Variants in TMEFF1 observed in about 807,000 individuals in gnomAD.
TMEFF1 encodes the protein tomoregulin-1.
TMEFF1 carries 20 observed loss-of-function variants against 47.5 expected under a neutral mutation model. That is an observed-to-expected ratio of 0.42 (90% CI 0.30 to 0.61). TMEFF1 has a LOEUF of 0.61. TMEFF1 is among the 20% of genes least tolerant of loss of function. The pLI is 0.19. For missense variants in TMEFF1, 411 were observed against 471.1 expected, an observed-to-expected ratio of 0.87 and a Z score of 1.18; for synonymous variants, 162 against 166.3, an observed-to-expected ratio of 0.97 and a Z score of 0.20.
intron 5 of TMEFF1, among the ~76,000 whole-genome samples, chr9:100,528,081 A>G (rs1440967609): frequency 2.0e-5 from 3 of 151,388 alleles, no homozygotes; most frequent in Non-Finnish European, 4.4e-5. Context: ...CACACCAAAA[A>G]CCCATCTGTA....
At chr9:100,575,621 C>T (rs1237297582) in intron 9 of TMEFF1, among the ~76,000 whole-genome samples, 5 of 152,190 alleles carry the variant, frequency 3.3e-5, no homozygotes, top group South Asian at 4.1e-4. Context: ...TGAAATCGAA[C>T]GAAATGAGGA....
chr9:100,543,687 C>T (rs559812373), intron 5 of TMEFF1, among the ~76,000 whole-genome samples: 1 of 147,598 alleles, frequency 6.8e-6, no homozygotes, highest in Admixed American at 6.8e-5. Context: ...CTAACACTAA[C>T]ATAGCTGATG....
rs573878868 is a variant in TMEFF1, at chr9:100,498,796, T to G, written c.228T>G (p.Val76=). Residue 76 remains valine, a synonymous_variant, in exon 2 of 10, where the codon GTT becomes GTG. Coordinates refer to ENST00000374879, the MANE Select transcript of TMEFF1 (RefSeq NM_003692.5). ...ATGTGAGGGAGTCTGACGTAAGAGT[T>G]TGTGATGAGTCATCATGTAAATATG... is the stretch of plus-strand genomic sequence containing the variant. ...ELNVRESDVR[V]CDESSCKYGG... is the part of the protein sequence containing the mutation. 1.2e-5 allele frequency: 20 copies of G among 1,613,772 alleles called. No individual in the cohort carries two copies. The highest frequency in any genetic ancestry group is 1.6e-5 in the Non-Finnish European group (19 of 1,179,910).
At chr9:100,546,120 G>A (rs4541990) in intron 5 of TMEFF1, among the ~76,000 whole-genome samples, 19 of 152,014 alleles carry the variant, frequency 1.2e-4, no homozygotes, top group African/African-American at 3.6e-4. Context: ...GTATCTTTTC[G>A]GCAGCACCCC....
intron 1 of TMEFF1, among the ~76,000 whole-genome samples, chr9:100,483,377 A>G (rs1309417763): frequency 6.6e-6 from 1 of 152,054 alleles, no homozygotes; most frequent in Non-Finnish European, 1.5e-5. Flanking sequence ...CATGCCTGTA[A>G]TCCCAGCTAC....
intron 6 of TMEFF1, among the ~76,000 whole-genome samples, chr9:100,549,604 C>G (rs528627465): frequency 6.6e-6 from 1 of 152,280 alleles, no homozygotes; most frequent in East Asian, 1.9e-4. Context: ...CTTCTAAACA[C>G]GTGGTTATGG....
Position 100,531,279 on chromosome 9 carries a change from A to T in TMEFF1, c.560+14508A>T, listed in dbSNP as rs554310750. On this transcript the variant is annotated intron_variant, in intron 5 of 9. Coordinates refer to ENST00000374879, the MANE Select transcript of TMEFF1 (RefSeq NM_003692.5). ...AGAAAATAAAGGGTATTCAATTAGG[A>T]AAAGAGGAAGTCAAATTGTCCCTGT... 4.0e-3 allele frequency among the ~76,000 whole-genome samples: 611 copies of T among 152,288 alleles called. 5 individuals carry two copies. Among genetic ancestry groups the T allele is most frequent in the African/African-American group, 0.014 (575 of 41,558 alleles).
At chr9:100,562,428 C>T (rs17741974) in intron 8 of TMEFF1, among the ~76,000 whole-genome samples, 17,828 of 151,770 alleles carry the variant, frequency 0.12, 1,166 homozygotes, top group Middle Eastern at 0.18. Flanking sequence ...ATTTTTTTCA[C>T]CTGCCTTTCT....
chr9:100,515,397 T>C (rs1406980151), intron 4 of TMEFF1, among the ~76,000 whole-genome samples: 1 of 152,106 alleles, frequency 6.6e-6, no homozygotes, highest in African/African-American at 2.4e-5. Flanking sequence ...ATATTTCTAT[T>C]TAAGGACAGG....
At chr9:100,521,879 C>T (rs1018696750) in intron 5 of TMEFF1, among the ~76,000 whole-genome samples, 1 of 152,172 alleles carries the variant, frequency 6.6e-6, no homozygotes, top group African/African-American at 2.4e-5. Context: ...TTCCATTTAT[C>T]CCCCTGAGTG....
chr9:100,496,415 T>G (rs2118307508), intron 1 of TMEFF1, among the ~76,000 whole-genome samples: 1 of 152,258 alleles, frequency 6.6e-6, no homozygotes, highest in Non-Finnish European at 1.5e-5. Flanking sequence ...AATTTTTGTA[T>G]TTTTAGTAGA....
intron 5 of TMEFF1, among the ~76,000 whole-genome samples, chr9:100,525,331 C>T (rs1338730120): frequency 6.6e-6 from 1 of 152,084 alleles, no homozygotes; most frequent in African/African-American, 2.4e-5. Flanking sequence ...CCCAGGCTAC[C>T]CCCACTTCTG....
chr9:100,517,862 G>A (rs1026112111), intron 5 of TMEFF1, among the ~76,000 whole-genome samples: 4 of 152,166 alleles, frequency 2.6e-5, no homozygotes, highest in African/African-American at 4.8e-5. Context: ...ACTGATAATA[G>A]ATATTATGCT....
At chr9:100,541,620 C>T (rs1037862411) in intron 5 of TMEFF1, among the ~76,000 whole-genome samples, 6 of 152,006 alleles carry the variant, frequency 3.9e-5, no homozygotes, top group Non-Finnish European at 8.8e-5. Context: ...GATCTGCCTG[C>T]GTCAGCCTCC....
At chr9:100,573,056 T>C (rs1224268200) in intron 9 of TMEFF1, among the ~76,000 whole-genome samples, 3 of 151,744 alleles carry the variant, frequency 2.0e-5, no homozygotes, top group Non-Finnish European at 2.9e-5. Context: ...TTAGAGCTCA[T>C]TGCAGCCTCA....
At position 100,547,890 on chromosome 9, in the gene TMEFF1, C is replaced by G. The variant is rs1390787306; in HGVS notation, c.707C>G (p.Thr236Arg). The G allele has an allele frequency of 6.3e-7, 1 of 1,586,988 alleles. No homozygotes were observed. The highest frequency in any genetic ancestry group is 1.8e-5 in the Admixed American group (1 of 55,050). ...QIDIRHLGHC[T>R]DTDDTSLLGK... The stretch of plus-strand genomic sequence containing the variant: ...GATATAAGGCATCTTGGTCATTGCA[C>G]AGGTAAAATCCATTTTATTTATTCA... Residue 236 changes from threonine (T) to arginine (R), a missense_variant and splice_region_variant, in exon 6 of 10, where the codon ACA (threonine) becomes AGA (arginine). Transcript: ENST00000374879.
chr9:100,485,245 A>G (rs1335947699), intron 1 of TMEFF1, among the ~76,000 whole-genome samples: 1 of 152,180 alleles, frequency 6.6e-6, no homozygotes, highest in African/African-American at 2.4e-5. Flanking sequence ...GACTATTATG[A>G]ATAATGCCAC....
intron 5 of TMEFF1, among the ~76,000 whole-genome samples, chr9:100,531,098 G>T (rs2118449190): frequency 6.6e-6 from 1 of 152,098 alleles, no homozygotes; most frequent in South Asian, 2.1e-4. Context: ...AAAATAATAA[G>T]AGCTATCTAT....
At chr9:100,486,253 A>G (rs941065483) in intron 1 of TMEFF1, among the ~76,000 whole-genome samples, 8 of 152,118 alleles carry the variant, frequency 5.3e-5, no homozygotes, top group Non-Finnish European at 8.8e-5. Context: ...TTCATCAGAA[A>G]ATTTTTGAAC....
Sources: allele counts gnomAD v4.1 joint callset (sites outside exome capture counted in the v4.1 genomes callset), GRCh38; gene constraint gnomAD v4.1.1; transcripts MANE v1.5; gene names NCBI Gene and HGNC (gene_info 2026-07-23, HGNC 2026-07-21).